The following SV2B variants were observed in gnomAD, a reference collection of about 807,000 sequenced individuals.
The protein encoded by SV2B is solute carrier family 22 member B2.
Under a neutral mutation model 73.9 loss-of-function variants are expected in SV2B, and 41 were observed. The ratio of observed to expected loss-of-function variants is 0.56; its 90% confidence interval spans 0.43 to 0.72. The LOEUF (loss-of-function observed/expected upper bound fraction) is 0.72. Ranked by LOEUF, SV2B falls within the 30% of genes least tolerant of loss-of-function variation. The pLI is 0.00. For missense variants in SV2B, 764 were observed against 857.8 expected (o/e 0.89, Z 1.37); for synonymous variants, 314 against 314.2 (o/e 1.00, Z 0.01).
intron 1 of SV2B, among the ~76,000 whole-genome samples, chr15:91,196,702 A>G (rs1163328495): frequency 1.3e-5 from 2 of 152,232 alleles, no homozygotes; most frequent in African/African-American, 4.8e-5. Context: ...ATCAACAATT[A>G]TGAATTATCC....
rs1267663411 is a variant in SV2B at position 91,301,899 on chromosome 15, G to T, written c.*9347G>T. On this transcript the variant is annotated 3_prime_UTR_variant, in exon 13 of 13. Coordinates refer to ENST00000394232, the MANE Select transcript of SV2B (RefSeq NM_001323032.3). This position sits in a 1 kb window ranked among gnomAD's most constrained non-coding sequence, Gnocchi z 4.3. Reference sequence around the variant, plus strand: ...TTCGGATTTTTGACTTTTGGATTTGGATTTGGAATGCTCAACCTGTTTTCA... The same window carrying T: ...TTCGGATTTTTGACTTTTGGATTTGTATTTGGAATGCTCAACCTGTTTTCA... 6.6e-6 allele frequency among the ~76,000 whole-genome samples: 1 copy of T among 152,154 alleles called. No homozygotes were observed. Among genetic ancestry groups the T allele is most frequent in the Non-Finnish European group, 1.5e-5 (1 of 68,032 alleles).
Position 91,281,594 on chromosome 15 carries a change from G to T in SV2B, c.1374-134G>T, listed in dbSNP as rs748160836. 27 of 1,026,564 alleles carry T rather than the reference G, an allele frequency of 2.6e-5. No homozygotes were observed. Among genetic ancestry groups the T allele is most frequent in the Non-Finnish European group, 3.7e-5 (27 of 721,290 alleles). 63.6% of individuals were successfully genotyped at this position (1,026,564 alleles called of 1,614,324 possible). On this transcript the variant is annotated intron_variant, in intron 9 of 12. Coordinates refer to ENST00000394232, the MANE Select transcript of SV2B (RefSeq NM_001323032.3). The surrounding 1 kb of genome is among the most constrained non-coding windows in gnomAD (Gnocchi z 4.7). ...CAAACAGCTAAGAAGTGGGGAAGTG[G>T]TCTGGGTTGAAAATAATGCTCTGGC...
rs1000641 is a variant in SV2B at position 91,132,936 on chromosome 15, G to A, written c.-392+32573G>A. Among the ~76,000 whole-genome samples the A allele has an allele frequency of 0.22, 32,943 of 152,170 alleles. 3,825 individuals carry two copies. Among genetic ancestry groups the A allele is most frequent in the Non-Finnish European group, 0.24 (16,408 of 67,982 alleles). On this transcript the variant is annotated intron_variant, in intron 1 of 12. Coordinates refer to ENST00000394232, the MANE Select transcript of SV2B (RefSeq NM_001323032.3). This position sits in a 1 kb window ranked among gnomAD's most constrained non-coding sequence, Gnocchi z 4.6. ...TGGCGCCATTTCACTTAAGGCCAGT[G>A]CATAATAAGGGCTAAAAGACTAAAG...
At chr15:91,179,457 T>A (rs1234927076) in intron 1 of SV2B, among the ~76,000 whole-genome samples, 3 of 152,202 alleles carry the variant, frequency 2.0e-5, no homozygotes, top group African/African-American at 7.2e-5. Context: ...TTGTTGACTT[T>A]CTGTCTCGTT....
intron 6 of SV2B, 139 bp downstream of exon 6, chr15:91,260,548 A>T: frequency 1.7e-6 from 1 of 601,548 alleles, no homozygotes; most frequent in South Asian, 2.9e-5. Flanking sequence ...ACTTTATAAT[A>T]ATTATTCTTC....
At chr15:91,211,793 C>T (rs1028147768) in intron 1 of SV2B, among the ~76,000 whole-genome samples, 6 of 148,982 alleles carry the variant, frequency 4.0e-5, no homozygotes, top group South Asian at 2.1e-4. Context: ...TGAGCCACCT[C>T]GCCTGGGCTT....
intron 1 of SV2B, among the ~76,000 whole-genome samples, chr15:91,164,250 T>C (rs1423557159): frequency 1.3e-5 from 2 of 152,178 alleles, no homozygotes; most frequent in African/African-American, 2.4e-5. Flanking sequence ...AAAAAACTAC[T>C]TTAAAGTTTA....
Position 91,283,093 on chromosome 15 carries a change from C to T in SV2B, c.1508-928C>T, listed in dbSNP as rs552080425. Among the ~76,000 whole-genome samples the T allele has an allele frequency of 6.6e-6, 1 of 152,256 alleles. No individual in the cohort carries two copies. Among genetic ancestry groups the T allele is most frequent in the African/African-American group, 2.4e-5 (1 of 41,550 alleles). On this transcript the variant is annotated intron_variant, in intron 10 of 12. Transcript: ENST00000394232. This position sits in a 1 kb window ranked among gnomAD's most constrained non-coding sequence, Gnocchi z 4.3. ...AATTTTGTAGATTTTGTAGGTAGAGCCTCAGGGAGGTTAAAGAGGGTCAGC... is the reference window on the plus strand; with the variant it reads ...AATTTTGTAGATTTTGTAGGTAGAGTCTCAGGGAGGTTAAAGAGGGTCAGC...
At chr15:91,248,975 C>T (rs2047364791) in intron 2 of SV2B, among the ~76,000 whole-genome samples, 1 of 152,018 alleles carries the variant, frequency 6.6e-6, no homozygotes, top group Admixed American at 6.6e-5. Context: ...TTTTCCCTCT[C>T]CCTGCTTTCA....
intron 2 of SV2B, among the ~76,000 whole-genome samples, chr15:91,237,628 T>G (rs1318746265): frequency 2.0e-5 from 3 of 151,478 alleles, no homozygotes; most frequent in East Asian, 3.8e-4. Context: ...CCACGTAGTT[T>G]ATACAAAGAC....
chr15:91,135,669 G>T (rs2042799543), intron 1 of SV2B, among the ~76,000 whole-genome samples: 1 of 152,170 alleles, frequency 6.6e-6, no homozygotes, highest in Non-Finnish European at 1.5e-5. Context: ...CCAGGGAAAG[G>T]TAATAGTAGA....
At position 91,107,297 on chromosome 15, in the gene SV2B, G is replaced by GTTTATTTA. The variant is rs10696273; in HGVS notation, c.-392+6958_-392+6965dup. On this transcript the variant is annotated intron_variant, in intron 1 of 12. Transcript: ENST00000394232. ...TCAGACTTCATTACTTTATTTGTTT[G>GTTTATTTA]TTTATTTATTTATTTATTTATTTAT... 6.0e-3 allele frequency among the ~76,000 whole-genome samples: 882 copies of GTTTATTTA among 145,816 alleles called. 11 individuals are homozygous for GTTTATTTA. The highest frequency in any genetic ancestry group is 0.022 in the African/African-American group (835 of 38,792).
intron 1 of SV2B, among the ~76,000 whole-genome samples, chr15:91,172,525 C>T (rs1456385850): frequency 1.3e-5 from 2 of 152,188 alleles, no homozygotes; most frequent in Non-Finnish European, 2.9e-5. Flanking sequence ...GAACAGAGGG[C>T]ACAGAGGGAG....
rs1362157159 is a variant in SV2B, at chr15:91,176,028, A to G, written c.-391-49845A>G. On this transcript the variant is annotated intron_variant, in intron 1 of 12. Coordinates refer to ENST00000394232, the MANE Select transcript of SV2B (RefSeq NM_001323032.3). ...AGCATTAGGTATATCTCCTAATGCT[A>G]TCCCTCCCCCTTCCCCCCACCCCAC... 6.6e-5 allele frequency among the ~76,000 whole-genome samples: 10 copies of G among 151,670 alleles called. No homozygotes were observed. The East Asian group carries it at 1.7e-3, about 26-fold the overall frequency.
rs1356747533 is a variant in SV2B at position 91,283,668 on chromosome 15, G to T, written c.1508-353G>T. On this transcript the variant is annotated intron_variant, in intron 10 of 12. Transcript: ENST00000394232. This position sits in a 1 kb window ranked among gnomAD's most constrained non-coding sequence, Gnocchi z 4.3. ...AAGGTCTCACTGTGTTGCCCAGGCT[G>T]GTCCTGAACTCCTGAGCTCAAGTGA... Among the ~76,000 whole-genome samples the T allele has an allele frequency of 6.6e-6, 1 of 151,970 alleles. No individual in the cohort carries two copies. The highest frequency in any genetic ancestry group is 2.4e-5 in the African/African-American group (1 of 41,370).
In SV2B at chr15:91,293,517, A is replaced by G. The variant is rs749586377; in HGVS notation, c.*965A>G. 7.9e-5 allele frequency: 12 copies of G among 152,208 alleles called. No individual in the cohort carries two copies. Among genetic ancestry groups the G allele is most frequent in the Non-Finnish European group, 1.2e-4 (8 of 68,042 alleles). 9.4% of individuals were successfully genotyped at this position (152,208 alleles called of 1,614,324 possible). A position where few individuals can be genotyped will look rare whatever the true frequency, so the allele number is the denominator to read the frequency against. On this transcript the variant is annotated 3_prime_UTR_variant, in exon 13 of 13. Transcript: ENST00000394232. ...GTAGTTACTTCTCTCCCTTACACAG[A>G]TGACTTGTGAAACTCAAGCTCACCA...
At chr15:91,230,112 A>C (rs1169579529) in intron 2 of SV2B, among the ~76,000 whole-genome samples, 1 of 152,040 alleles carries the variant, frequency 6.6e-6, no homozygotes, top group East Asian at 1.9e-4. Flanking sequence ...ATGGTGGTGC[A>C]TGCCTGTAGT....
intron 11 of SV2B, among the ~76,000 whole-genome samples, chr15:91,286,364 G>A (rs933396954): frequency 6.6e-6 from 1 of 152,206 alleles, no homozygotes; most frequent in African/African-American, 2.4e-5. Flanking sequence ...GCTCTTTGTA[G>A]TGTGCAAGTC....
In SV2B at chr15:91,226,143, A is replaced by G. The variant is rs2046368719; in HGVS notation, c.-121A>G. 1.0e-6 allele frequency: 1 copy of G among 974,380 alleles called. No individual in the cohort carries two copies. The highest frequency in any genetic ancestry group is 1.5e-6 in the Non-Finnish European group (1 of 657,694). 60.4% of individuals were successfully genotyped at this position (974,380 alleles called of 1,614,324 possible). A position where few individuals can be genotyped will look rare whatever the true frequency, so the allele number is the denominator to read the frequency against. On this transcript the variant is annotated 5_prime_UTR_variant, in exon 2 of 13. Coordinates refer to ENST00000394232, the MANE Select transcript of SV2B (RefSeq NM_001323032.3). ...CAGTGTGACTTTCACCTAAGAAGTC[A>G]CATGAACATATTTCACATTTGAACT...
Sources: allele counts gnomAD v4.1 joint callset (sites outside exome capture counted in the v4.1 genomes callset), GRCh38; gene constraint gnomAD v4.1.1; non-coding constraint Gnocchi (gnomAD v3.1); transcripts MANE v1.5; gene names NCBI Gene and HGNC (gene_info 2026-07-23, HGNC 2026-07-21).